TENM4: variants seen among roughly 807,000 people sequenced by gnomAD.
The protein encoded by TENM4 is teneurin-4.
In TENM4, 82 loss-of-function variants were observed where a neutral mutation model predicts 243.3. The ratio of observed to expected loss-of-function variants is 0.34; its 90% confidence interval spans 0.28 to 0.40. The LOEUF (loss-of-function observed/expected upper bound fraction) is 0.40, where lower values mean the gene tolerates loss of function less well. Among genes scored for constraint, TENM4 ranks in the 10% least tolerant of loss-of-function variants. The probability of loss-of-function intolerance (pLI) is 1.00; values close to 1 mark genes in which losing one functional copy is unlikely to be tolerated. For synonymous variants in TENM4, 1,412 were observed against 1,456.3 expected, an observed-to-expected ratio of 0.97 and a Z score of 0.69; for missense variants, 3,138 against 3,673.3, an observed-to-expected ratio of 0.85 and a Z score of 3.77.
At chr11:78,705,510 A>T (rs1158414172) in intron 27 of TENM4, among the ~76,000 whole-genome samples, 1 of 152,108 alleles carries the variant, frequency 6.6e-6, no homozygotes, top group African/African-American at 2.4e-5. Flanking sequence ...CTGAGACTTG[A>T]TTTCCCATCC....
intron 1 of TENM4, among the ~76,000 whole-genome samples, chr11:79,337,151 C>A: frequency 6.6e-6 from 1 of 152,226 alleles, no homozygotes; most frequent in East Asian, 1.9e-4. Context: ...TAGCAACTTA[C>A]AATTTACCAA....
At chr11:78,945,645 C>T (rs570917464) in intron 6 of TENM4, among the ~76,000 whole-genome samples, 1 of 152,290 alleles carries the variant, frequency 6.6e-6, no homozygotes, top group Non-Finnish European at 1.5e-5. Context: ...AAGGCTAGGT[C>T]TCTTGAGCCA....
intron 15 of TENM4, among the ~76,000 whole-genome samples, chr11:78,797,337 G>C (rs1220852436): frequency 1.3e-5 from 2 of 152,182 alleles, no homozygotes; most frequent in African/African-American, 4.8e-5. Context: ...TCCATTGAAA[G>C]AACAGTTTTT....
chr11:79,315,408 C>T (rs971778244), intron 1 of TENM4, among the ~76,000 whole-genome samples: 1 of 152,224 alleles, frequency 6.6e-6, no homozygotes, highest in South Asian at 2.1e-4. Context: ...TGGAAAGTTC[C>T]TTTGCTTCCT....
At chr11:79,284,292 C>G (rs933296845) in intron 2 of TENM4, among the ~76,000 whole-genome samples, 1 of 152,166 alleles carries the variant, frequency 6.6e-6, no homozygotes, top group Non-Finnish European at 1.5e-5. Flanking sequence ...AACCCCACAT[C>G]TCAATGTCAA....
At chr11:78,988,132 G>A (rs1422832222) in intron 6 of TENM4, among the ~76,000 whole-genome samples, 1 of 152,158 alleles carries the variant, frequency 6.6e-6, no homozygotes, top group Admixed American at 6.5e-5. Context: ...AAGATATTGT[G>A]GTTTACTCCC....
intron 12 of TENM4, among the ~76,000 whole-genome samples, chr11:78,850,407 G>A (rs1325785675): frequency 2.6e-5 from 4 of 152,170 alleles, no homozygotes; most frequent in Non-Finnish European, 1.5e-5. Flanking sequence ...TCCAATTTGT[G>A]TGTTAAGCAA....
At chr11:78,929,331 T>A (rs1470964964) in intron 6 of TENM4, among the ~76,000 whole-genome samples, 1 of 152,094 alleles carries the variant, frequency 6.6e-6, no homozygotes, top group African/African-American at 2.4e-5. Context: ...TACATTACAG[T>A]GATTACGCAT....
chr11:78,980,320 C>T (rs1036414970), intron 6 of TENM4, among the ~76,000 whole-genome samples: 2 of 152,132 alleles, frequency 1.3e-5, no homozygotes, highest in African/African-American at 4.8e-5. Flanking sequence ...TTTCATTATC[C>T]CCGTTTCAGA....
Position 79,278,073 on chromosome 11 carries a change from G to C in TENM4, c.-265+19415C>G, listed in dbSNP as rs114768773. On this transcript the variant is annotated intron_variant, in intron 2 of 33. Coordinates refer to ENST00000278550, the MANE Select transcript of TENM4 (RefSeq NM_001098816.3). ...CCTCCTGGTTTCTCAAGTTCACTCA[G>C]AGAAGAAAGAGAAAGCAGATTTGAG... is the stretch of plus-strand genomic sequence containing the variant. Among the ~76,000 whole-genome samples the C allele has an allele frequency of 4.3e-3, 652 of 152,340 alleles. 7 individuals carry two copies. Among genetic ancestry groups the C allele is most frequent in the African/African-American group, 0.015 (627 of 41,570 alleles).
rs114279928 is a variant in TENM4, at chr11:79,410,209, C to G, written c.-321+30300G>C. On this transcript the variant is annotated intron_variant, in intron 1 of 33. Transcript: ENST00000278550. Reference sequence around the variant, plus strand: ...CCATTTCACTTCCTTACTTTCTCAGCAGGCTTCCTGGAATCACCTTGCAAA... The same window carrying G: ...CCATTTCACTTCCTTACTTTCTCAGGAGGCTTCCTGGAATCACCTTGCAAA... Among the ~76,000 whole-genome samples, 172 of 152,296 alleles carry G rather than the reference C, an allele frequency of 1.1e-3. 1 individual carries two copies. The highest frequency in any genetic ancestry group is 4.0e-3 in the African/African-American group (167 of 41,564).
chr11:79,182,344 CATA>C (rs1405379899), intron 3 of TENM4, among the ~76,000 whole-genome samples: 4 of 152,042 alleles, frequency 2.6e-5, no homozygotes, highest in African/African-American at 9.7e-5. Context: ...ATGGCACAAA[CATA>C]ATATTTTCAA....
chr11:78,686,078 G>A (rs904832911), intron 29 of TENM4, among the ~76,000 whole-genome samples: 3 of 152,184 alleles, frequency 2.0e-5, no homozygotes, highest in Non-Finnish European at 2.9e-5. Context: ...GTCATAAGAC[G>A]TACTTTCAGA....
rs767527124 is a variant in TENM4, at chr11:79,064,868, C to T, written c.363G>A (p.Thr121=). The change falls in exon 6 of 34, where the codon ACG becomes ACA. Residue 121 remains threonine, a synonymous_variant. Coordinates refer to ENST00000278550, the MANE Select transcript of TENM4 (RefSeq NM_001098816.3). The part of the protein sequence containing the change: ...AGSDADMEAD[T]VLSPEHPVRL... ...GCACGGGGTGCTCAGGGGACAGCACCGTGTCAGCCTCCATGTCGGCATCAG... is the reference window on the plus strand; with the variant it reads ...GCACGGGGTGCTCAGGGGACAGCACTGTGTCAGCCTCCATGTCGGCATCAG... The T allele has an allele frequency of 5.2e-6, 8 of 1,550,820 alleles. No homozygotes were observed. The highest frequency in any genetic ancestry group is 4.9e-5 in the East Asian group (2 of 40,888).
At chr11:79,210,003 A>G (rs1863927174) in intron 3 of TENM4, among the ~76,000 whole-genome samples, 1 of 152,248 alleles carries the variant, frequency 6.6e-6, no homozygotes, top group East Asian at 1.9e-4. Flanking sequence ...ACCAAGCCAT[A>G]GTAAGAGTTC....
At chr11:79,048,334 T>C (rs1437849545) in intron 6 of TENM4, among the ~76,000 whole-genome samples, 1 of 149,634 alleles carries the variant, frequency 6.7e-6, no homozygotes, top group Non-Finnish European at 1.5e-5. Flanking sequence ...CATGAGTGAC[T>C]GCCACCTTTT....
chr11:79,414,523 A>G (rs1420411936), intron 1 of TENM4, among the ~76,000 whole-genome samples: 1 of 152,046 alleles, frequency 6.6e-6, no homozygotes, highest in East Asian at 1.9e-4. Context: ...GCCAACTCAA[A>G]CTCGAGAAGG....
intron 6 of TENM4, among the ~76,000 whole-genome samples, chr11:79,058,438 G>A (rs1252129342): frequency 6.6e-6 from 1 of 151,984 alleles, no homozygotes; most frequent in Non-Finnish European, 1.5e-5. Flanking sequence ...CCAGCTACTG[G>A]GGAGGCTGAG....
intron 6 of TENM4, among the ~76,000 whole-genome samples, chr11:79,020,294 C>G (rs973104090): frequency 6.6e-6 from 1 of 152,142 alleles, no homozygotes; most frequent in African/African-American, 2.4e-5. Flanking sequence ...TTTGCAGACA[C>G]AAAAAGCACT....
Sources: allele counts gnomAD v4.1 joint callset (sites outside exome capture counted in the v4.1 genomes callset), GRCh38; gene constraint gnomAD v4.1.1; transcripts MANE v1.5; gene names NCBI Gene and HGNC (gene_info 2026-07-23, HGNC 2026-07-21).